The following MCM3AP variants were observed in gnomAD, a reference collection of about 807,000 sequenced individuals.
MCM3AP encodes germinal-center associated nuclear protein.
Under a neutral mutation model 184.1 loss-of-function variants are expected in MCM3AP, and 126 were observed. The observed-to-expected ratio is 0.68, with a 90% CI of 0.59 to 0.79. The LOEUF is 0.79. Ranked by LOEUF, MCM3AP falls within the 30% of genes least tolerant of loss-of-function variation. The probability of loss-of-function intolerance (pLI) is 0.00; values close to 1 mark genes in which losing one functional copy is unlikely to be tolerated. For synonymous variants in MCM3AP, 1,002 were observed against 979.3 expected, an observed-to-expected ratio of 1.02 and a Z score of -0.43; for missense variants, 2,496 against 2,479.2, an observed-to-expected ratio of 1.01 and a Z score of -0.14.
At chr21:46,251,743 G>C in intron 19 of MCM3AP, 61 bp from the exon 20 acceptor site, 1 of 1,037,486 alleles carries the variant, frequency 9.6e-7, no homozygotes, top group South Asian at 1.5e-5. Flanking sequence ...TTCTATATTT[G>C]AATTATAAAG....
At position 46,246,234 on chromosome 21, in the gene MCM3AP, CTCAAT is replaced by C. The variant is rs761162087; in HGVS notation, c.4647+68_4647+72del. On this transcript the variant is annotated intron_variant, in intron 22 of 27. Coordinates refer to ENST00000291688, the MANE Select transcript of MCM3AP (RefSeq NM_003906.5). The stretch of plus-strand genomic sequence containing the variant: ...AAGACAATGCAAACGCTAATATACA[CTCAAT>C]TCAAGATACAGCAAAAGGGGAAAAA... The C allele has an allele frequency of 1.3e-3, 1,200 of 903,792 alleles. 3 individuals are homozygous for C. Among genetic ancestry groups the C allele is most frequent in the Non-Finnish European group, 1.5e-3 (827 of 543,544 alleles). The allele number at this position is 903,792 out of a possible 1,614,324, so 56.0% of individuals were successfully genotyped here.
chr21:46,275,004 T>C (rs2081237942), intron 6 of MCM3AP, among the ~76,000 whole-genome samples, 182 bp downstream of exon 6: 2 of 151,730 alleles, frequency 1.3e-5, no homozygotes, highest in Non-Finnish European at 2.9e-5. Context: ...CATCTATACC[T>C]TATCATGTAT....
At chr21:46,272,928 T>A (rs111371442) in intron 7 of MCM3AP, 99 bp from the exon 8 acceptor site, 86 of 1,194,884 alleles carry the variant, frequency 7.2e-5, no homozygotes, top group Non-Finnish European at 9.6e-5. Flanking sequence ...ACTTTTCAAT[T>A]TGAAACAAAG....
At position 46,284,854 on chromosome 21, in the gene MCM3AP, T is replaced by C. The variant is rs2081385774; in HGVS notation, c.433A>G (p.Ser145Gly). The change falls in exon 1 of 28, where the codon AGC becomes GGC. Residue 145 changes from serine (S) to glycine (G), a missense_variant. This residue lies in a region of MCM3AP where 800 missense variants were observed against 717.1 expected (regional missense o/e 1.12). Transcript: ENST00000291688. Reference protein sequence around the residue: ...VNSGFGKTEFSFKPLENAVFK... With the variant: ...VNSGFGKTEFGFKPLENAVFK... ...ACTGCATTTTCCAGAGGTTTAAAGC[T>C]GAATTCTGTTTTCCCAAAACCAGAG... 2 of 1,614,158 alleles carry C rather than the reference T, an allele frequency of 1.2e-6. No homozygotes were observed. The highest frequency in any genetic ancestry group is 1.7e-6 in the Non-Finnish European group (2 of 1,180,042).
chr21:46,273,507 G>A lies in MCM3AP; in HGVS notation c.2077C>T (p.Pro693Ser). ...QEEPLPHELR[P>S]LPVLSRTMDY... is the part of the protein sequence containing the mutation. Reference sequence around the variant, plus strand: ...ATGGTCCTGCTGAGCACTGGCAAGGGCCGCAGCTCGTGGGGCAGGGGCTCC... The same window carrying A: ...ATGGTCCTGCTGAGCACTGGCAAGGACCGCAGCTCGTGGGGCAGGGGCTCC... Residue 693 changes from proline to serine, a missense_variant, in exon 7 of 28, where the codon CCC becomes TCC. Transcript: ENST00000291688. 6.2e-7 allele frequency: 1 copy of A among 1,613,908 alleles called. No homozygotes were observed. The highest frequency in any genetic ancestry group is 8.5e-7 in the Non-Finnish European group (1 of 1,179,852).
rs759363014 is a variant in MCM3AP at position 46,284,591 on chromosome 21, C to G, written c.696G>C (p.Glu232Asp). The change falls in exon 1 of 28, where the codon GAG becomes GAC. Residue 232 changes from glutamate to aspartate, a missense_variant. Coordinates refer to ENST00000291688, the MANE Select transcript of MCM3AP (RefSeq NM_003906.5). ...FTPALSNQNVEEEKRGPKSIF... is the reference protein window; with the variant it reads ...FTPALSNQNVDEEKRGPKSIF... ...TTGACTTAGGTCCTCTCTTCTCTTC[C>G]TCTACATTTTGGTTTGACAAAGCAG... The G allele has an allele frequency of 4.3e-6, 7 of 1,614,090 alleles. No homozygotes were observed. The Admixed American group carries it at 6.7e-5, about 15-fold the overall frequency.
chr21:46,271,458 C>T (rs1288117572), intron 8 of MCM3AP, among the ~76,000 whole-genome samples: 2 of 151,780 alleles, frequency 1.3e-5, no homozygotes, highest in East Asian at 1.9e-4. Context: ...CCTCCCCAGT[C>T]GCTGGAACTA....
At position 46,243,482 on chromosome 21, in the gene MCM3AP, C is replaced by CG. The variant is rs763090302; in HGVS notation, c.5278dup (p.Arg1760ProfsTer11). 2.4e-5 allele frequency: 39 copies of CG among 1,610,238 alleles called. No individual in the cohort carries two copies. Among genetic ancestry groups the CG allele is most frequent in the Non-Finnish European group, 2.5e-5 (29 of 1,177,812 alleles). On this transcript the variant is annotated frameshift_variant, in exon 24 of 28. Transcript: ENST00000291688. LOFTEE classifies it high-confidence loss of function. The stretch of plus-strand genomic sequence containing the variant: ...CTAATTACCTGATGTAACAGGAAGC[C>CG]GGGGGGGCGTCCAGTCTCTCAGCTT...
At chr21:46,273,801 G>A (rs2081219346) in intron 6 of MCM3AP, among the ~76,000 whole-genome samples, 1 of 152,200 alleles carries the variant, frequency 6.6e-6, no homozygotes, top group African/African-American at 2.4e-5. Flanking sequence ...AAGGAGTTAA[G>A]ATATGAGTGC....
intron 24 of MCM3AP, 50 bp from the exon 25 acceptor site, chr21:46,242,981 GTCTC>G: frequency 7.7e-7 from 1 of 1,296,974 alleles, no homozygotes; most frequent in African/African-American, 1.9e-5. Context: ...GGCCAACCCT[GTCTC>G]AAAAAAAAAA....
chr21:46,242,285 G>A (rs1198842001), intron 25 of MCM3AP: 16 of 151,822 alleles, frequency 1.1e-4, no homozygotes, highest in Admixed American at 9.8e-4. Context: ...TTCTATTTTG[G>A]TAGTTTTATG....
chr21:46,280,978 G>C (rs1239274886), intron 2 of MCM3AP, among the ~76,000 whole-genome samples: 1 of 152,146 alleles, frequency 6.6e-6, no homozygotes, highest in Non-Finnish European at 1.5e-5. Context: ...CTAATTTTTT[G>C]TATTTGTAGT....
At chr21:46,255,372 G>A (rs978938159) in intron 17 of MCM3AP, among the ~76,000 whole-genome samples, 6 of 152,140 alleles carry the variant, frequency 3.9e-5, no homozygotes, top group Non-Finnish European at 5.9e-5. Flanking sequence ...CTCGGGGAGC[G>A]CTAGGGACGC....
intron 2 of MCM3AP, among the ~76,000 whole-genome samples, chr21:46,281,125 C>T (rs2081327006): frequency 6.6e-6 from 1 of 152,126 alleles, no homozygotes; most frequent in South Asian, 2.1e-4. Flanking sequence ...TAATTAACAA[C>T]TTTGCTTCAT....
rs139533539 is a variant in MCM3AP at position 46,236,837 on chromosome 21, T to C, written c.5776A>G (p.Ser1926Gly). 61 of 1,554,018 alleles carry C rather than the reference T, an allele frequency of 3.9e-5. No individual in the cohort carries two copies. The African/African-American group carries it at 8.0e-4, about 20-fold the overall frequency. The change falls in exon 27 of 28, where the codon AGC (serine) becomes GGC (glycine). Residue 1926 changes from serine (S) to glycine (G), a missense_variant. Coordinates refer to ENST00000291688, the MANE Select transcript of MCM3AP (RefSeq NM_003906.5). ...GTATACGTTCTTCTCACCTGTGGGC[T>C]AGTAGTTACAGATGTTTTCATCACA... is the stretch of plus-strand genomic sequence containing the variant. ...EPVMKTSVTT[S>G]PQSDMMREQL...
rs771090131 is a variant in MCM3AP at position 46,235,469 on chromosome 21, T to C, written c.5785-43A>G. 126 of 1,553,000 alleles carry C rather than the reference T, an allele frequency of 8.1e-5. 1 individual carries two copies. Among genetic ancestry groups the C allele is most frequent in the Non-Finnish European group, 1.0e-4 (117 of 1,127,374 alleles). The stretch of plus-strand genomic sequence containing the variant: ...AAACTGAACAGTTTTGGGATGTCAA[T>C]AAACCACGACCTATCTCTGGGAAGG... On this transcript the variant is annotated intron_variant, in intron 27 of 27. Transcript: ENST00000291688.
chr21:46,282,894 G>A (rs540780000), intron 2 of MCM3AP, among the ~76,000 whole-genome samples: 1 of 152,224 alleles, frequency 6.6e-6, no homozygotes, highest in East Asian at 1.9e-4. Context: ...GTTATCTCTA[G>A]AGGACAGACT....
chr21:46,236,850 T>A lies in MCM3AP; in HGVS notation c.5763A>T (p.Thr1921=). ...TCACCTGTGGGCTAGTAGTTACAGATGTTTTCATCACAGGTTCAATAGTGT... is the reference window on the plus strand; with the variant it reads ...TCACCTGTGGGCTAGTAGTTACAGAAGTTTTCATCACAGGTTCAATAGTGT... ...LSHTIEPVMK[T]SVTTSPQSDM... is the part of the protein sequence containing the mutation. Residue 1921 remains threonine, a synonymous_variant, in exon 27 of 28, where the codon ACA becomes ACT. Coordinates refer to ENST00000291688, the MANE Select transcript of MCM3AP (RefSeq NM_003906.5). 6.4e-7 allele frequency: 1 copy of A among 1,560,034 alleles called. No homozygotes were observed. The highest frequency in any genetic ancestry group is 8.6e-7 in the Non-Finnish European group (1 of 1,160,622).
intron 17 of MCM3AP, 27 bp from the exon 18 acceptor site, chr21:46,254,871 T>A (rs2080924873): frequency 6.3e-7 from 1 of 1,583,048 alleles, no homozygotes; most frequent in African/African-American, 1.3e-5. Context: ...AATGACAGTG[T>A]CCCCGCAGGA....
Sources: gnomAD v4.1 joint callset for allele counts (sites outside exome capture counted in the v4.1 genomes callset) on GRCh38, gnomAD v4.1.1 for gene constraint, gnomAD v4.1.1 regional missense constraint, MANE v1.5 for transcripts, NCBI Gene and HGNC (gene_info 2026-07-23, HGNC 2026-07-21) for gene names.